Variants in NLRP1 observed in about 807,000 individuals in gnomAD.
The protein encoded by NLRP1 is NACHT, LRR and PYD domains-containing protein 1.
A neutral mutation model predicts 136.7 loss-of-function variants in NLRP1; 94 were observed. That is an observed-to-expected ratio of 0.69 (90% CI 0.58 to 0.82). NLRP1 has a LOEUF of 0.82. Among genes scored for constraint, NLRP1 ranks in the 40% least tolerant of loss-of-function variants. The pLI, the probability that NLRP1 is intolerant of heterozygous loss-of-function variation, is 0.00. For synonymous variants in NLRP1, 690 were observed against 725.1 expected, an observed-to-expected ratio of 0.95 and a Z score of 0.78; for missense variants, 1,575 against 1,802.7, an observed-to-expected ratio of 0.87 and a Z score of 2.29.
downstream of NLRP1, among the ~76,000 whole-genome samples, chr17:5,511,834 T>C (rs1284677538): frequency 6.6e-6 from 1 of 151,536 alleles, no homozygotes; most frequent in East Asian, 2.0e-4. Context: ...TTTTCTTCAT[T>C]CCTTCCTCTT....
chr17:5,529,935 T>G (rs1435210768), intron 12 of NLRP1: 2 of 452,382 alleles, frequency 4.4e-6, no homozygotes, highest in Non-Finnish European at 4.4e-6. Flanking sequence ...TTCTTGGAAC[T>G]CTGTGGGAAG....
At chr17:5,545,264 C>G (rs947992387) in intron 5 of NLRP1, among the ~76,000 whole-genome samples, 2 of 152,004 alleles carry the variant, frequency 1.3e-5, no homozygotes, top group Admixed American at 6.6e-5. Context: ...GTCATGATCA[C>G]ACCACTGCAC....
chr17:5,511,967 G>A (rs4790267), downstream of NLRP1: 213,804 of 469,182 alleles, frequency 0.46, 52,074 homozygotes, highest in East Asian at 0.87. Flanking sequence ...AGGGAGCCCA[G>A]CTGTAACTTG....
At chr17:5,521,138 C>T (rs1241334015) in intron 13 of NLRP1, 126 bp from the exon 14 acceptor site, 2 of 921,974 alleles carry the variant, frequency 2.2e-6, no homozygotes, top group African/African-American at 3.3e-5. Flanking sequence ...CTGCCTCCCT[C>T]CCCCCATGCA....
intron 15 of NLRP1, among the ~76,000 whole-genome samples, chr17:5,508,230 C>T (rs57512487): frequency 6.0e-5 from 9 of 150,832 alleles, no homozygotes; most frequent in Admixed American, 1.3e-4. Flanking sequence ...CCTAGGAGGC[C>T]GAGGTTGCAG....
rs199618213 is a variant in NLRP1, at chr17:5,514,739, G to A, written c.*15C>T. 29 of 1,613,104 alleles carry A rather than the reference G, an allele frequency of 1.8e-5. No homozygotes were observed. In the African/African-American group the frequency reaches 2.1e-4, roughly 12 times the overall value. On this transcript the variant is annotated 3_prime_UTR_variant, in exon 17 of 17. Coordinates refer to ENST00000572272, the MANE Select transcript of NLRP1 (RefSeq NM_033004.4). ...CAAAGCCAGGACTCAAGGGTCAAGG[G>A]CTGGTGTTGATACTTCAGCTGCTGA...
intron 5 of NLRP1, among the ~76,000 whole-genome samples, chr17:5,551,643 C>G (rs1322639172): frequency 6.6e-6 from 1 of 152,214 alleles, no homozygotes. Flanking sequence ...GCATTCCCAC[C>G]AACAATGAAT....
chr17:5,544,599 T>A (rs1298651355), intron 5 of NLRP1, among the ~76,000 whole-genome samples: 1 of 152,168 alleles, frequency 6.6e-6, no homozygotes, highest in Non-Finnish European at 1.5e-5. Flanking sequence ...AGTGTCCCAG[T>A]GCCCAAGGGA....
intron 5 of NLRP1, among the ~76,000 whole-genome samples, chr17:5,550,760 T>G (rs1019627584): frequency 6.6e-6 from 1 of 152,182 alleles, no homozygotes; most frequent in Admixed American, 6.5e-5. Context: ...TTAAAAAAAT[T>G]TCTTTACTAA....
At chr17:5,517,007 G>T (rs897255576) in intron 15 of NLRP1, among the ~76,000 whole-genome samples, 2 of 152,126 alleles carry the variant, frequency 1.3e-5, no homozygotes, top group African/African-American at 4.8e-5. Context: ...ATTTCCTCTT[G>T]CCTACCTCAA....
In NLRP1 at chr17:5,539,455, C is replaced by T; in HGVS notation, c.2830G>A (p.Glu944Lys). ...TTGCAGGCAGGATGCCTGAGCCCCTCACAGAGCAGTCGCACGCCAACGTCA... is the reference window on the plus strand; with the variant it reads ...TTGCAGGCAGGATGCCTGAGCCCCTTACAGAGCAGTCGCACGCCAACGTCA... Reference protein sequence around the residue: ...LDDVGVRLLCEGLRHPACKLI... With the variant: ...LDDVGVRLLCKGLRHPACKLI... The change falls in exon 7 of 17, where the codon GAG becomes AAG. Residue 944 changes from glutamate (E) to lysine (K), a missense_variant. Transcript: ENST00000572272. 2 of 1,614,066 alleles carry T rather than the reference C, an allele frequency of 1.2e-6. No individual in the cohort carries two copies. Among genetic ancestry groups the T allele is most frequent in the Non-Finnish European group, 1.7e-6 (2 of 1,179,972 alleles).
intron 3 of NLRP1, among the ~76,000 whole-genome samples, chr17:5,564,770 C>T (rs1266773884): frequency 6.0e-5 from 7 of 116,220 alleles, no homozygotes; most frequent in African/African-American, 2.1e-4. Flanking sequence ...CAGAGTCTTG[C>T]TCTGTTGCCC....
In NLRP1 at chr17:5,520,892, T is replaced by C. The variant is rs1279000950; in HGVS notation, c.3904A>G (p.Ile1302Val). The C allele has an allele frequency of 6.2e-7, 1 of 1,602,706 alleles. No homozygotes were observed. Among genetic ancestry groups the C allele is most frequent in the African/African-American group, 1.3e-5 (1 of 74,728 alleles). The change falls in exon 14 of 17, where the codon ATA (isoleucine) becomes GTA (valine). Residue 1302 changes from isoleucine (I) to valine (V), a missense_variant. Physicochemically the swap from Ile to Val is conservative, Grantham distance 29. Transcript: ENST00000572272. ...VSGSGSGMLE[I>V]LPKELELCYR... ...ACTGGGCTGCTCACCTTGGGGAGTA[T>C]TTCCAGCATCCCTGAACCAGACCCA...
At chr17:5,570,802 CAACAAAAGAAGAAA>C (rs1915789351) in intron 3 of NLRP1, among the ~76,000 whole-genome samples, 1 of 152,030 alleles carries the variant, frequency 6.6e-6, no homozygotes, top group Non-Finnish European at 1.5e-5. Flanking sequence ...GGCAGAGACA[CAACAAAAGAAGAAA>C]ACTTAAGGAC....
At chr17:5,571,743 GA>G (rs1904380076) in intron 3 of NLRP1, among the ~76,000 whole-genome samples, 1 of 152,116 alleles carries the variant, frequency 6.6e-6, no homozygotes, top group East Asian at 1.9e-4. Flanking sequence ...TAATGAGAAA[GA>G]AATTCTAAAA....
chr17:5,520,887 G>A lies in NLRP1; in HGVS notation c.3909C>T (p.Leu1303=), dbSNP rs372640816. The change falls in exon 14 of 17, where the codon CTC becomes CTT. Residue 1303 remains leucine, a synonymous_variant. Transcript: ENST00000572272. ...SGSGSGMLEI[L]PKELELCYRS... ...CAGACACTGGGCTGCTCACCTTGGG[G>A]AGTATTTCCAGCATCCCTGAACCAG... 6.2e-7 allele frequency: 1 copy of A among 1,600,578 alleles called. No individual in the cohort carries two copies. The highest frequency in any genetic ancestry group is 8.5e-7 in the Non-Finnish European group (1 of 1,172,092).
At position 5,514,362 on chromosome 17, in the gene NLRP1, C is replaced by A. The variant is rs202228908; in HGVS notation, c.*392G>T. On this transcript the variant is annotated 3_prime_UTR_variant, in exon 17 of 17. Transcript: ENST00000572272. ...CAAAGCCAAGAATCCACGTGGCCTC[C>A]CACGCTGAACCCCAATTTTGGGGCT... 104 of 1,060,308 alleles carry A rather than the reference C, an allele frequency of 9.8e-5. 1 individual carries two copies. The South Asian group carries it at 1.3e-3, about 13-fold the overall frequency. 65.7% of individuals were successfully genotyped at this position (1,060,308 alleles called of 1,614,324 possible). A position where few individuals can be genotyped will look rare whatever the true frequency, so the allele number is the denominator to read the frequency against.
rs11653757 is a variant in NLRP1, at chr17:5,521,458, C to T, written c.3783+66G>A. The T allele has an allele frequency of 8.0e-3, 12,448 of 1,549,554 alleles. 74 individuals carry two copies. The highest frequency in any genetic ancestry group is 0.016 in the Middle Eastern group (66 of 4,238). On this transcript the variant is annotated intron_variant, in intron 13 of 16. Transcript: ENST00000572272. Reference sequence around the variant, plus strand: ...CCAGTTGAAGACCCTCTAGGGGGCTCTCTGGCTGCATTTTGTGTTTACCGT... The same window carrying T: ...CCAGTTGAAGACCCTCTAGGGGGCTTTCTGGCTGCATTTTGTGTTTACCGT...
rs1350813361 is a variant in NLRP1 at position 5,537,594 on chromosome 17, A to G, written c.2871-654T>C. On this transcript the variant is annotated intron_variant, in intron 7 of 16. Transcript: ENST00000572272. This position sits in a 1 kb window ranked among gnomAD's most constrained non-coding sequence, Gnocchi z 4.5. ...CTGCCCTGCCTGTTCTGAGGCCCAG[A>G]CAAGGAGGCGGTGAAAAGACCCTGT... Among the ~76,000 whole-genome samples the G allele has an allele frequency of 2.0e-5, 3 of 152,174 alleles. No homozygotes were observed. Among genetic ancestry groups the G allele is most frequent in the Admixed American group, 2.0e-4 (3 of 15,280 alleles).
Sources: gnomAD v4.1 joint callset for allele counts (sites outside exome capture counted in the v4.1 genomes callset) on GRCh38, gnomAD v4.1.1 for gene constraint, Gnocchi (gnomAD v3.1) non-coding constraint, MANE v1.5 for transcripts, NCBI Gene and HGNC (gene_info 2026-07-23, HGNC 2026-07-21) for gene names.